KLHL3: variants seen among roughly 807,000 people sequenced by gnomAD.
KLHL3 encodes kelch like family member 3.
KLHL3 carries 19 observed loss-of-function variants against 70.5 expected under a neutral mutation model. That is an observed-to-expected ratio of 0.27 (90% CI 0.19 to 0.40). The LOEUF (loss-of-function observed/expected upper bound fraction) is 0.40. Ranked by LOEUF, KLHL3 falls within the 10% of genes least tolerant of loss-of-function variation. KLHL3 has a pLI of 1.00. For missense variants in KLHL3, 512 were observed against 771.1 expected (o/e 0.66, Z 3.98); for synonymous variants, 258 against 290.3 (o/e 0.89, Z 1.13).
At chr5:137,663,953 G>A (rs976821703) in intron 6 of KLHL3, among the ~76,000 whole-genome samples, 2 of 152,108 alleles carry the variant, frequency 1.3e-5, no homozygotes, top group Non-Finnish European at 2.9e-5. Context: ...ACCTTTTGTG[G>A]TTTAGGGTGG....
chr5:137,679,849 G>A (rs1751980944), intron 5 of KLHL3, among the ~76,000 whole-genome samples: 1 of 152,218 alleles, frequency 6.6e-6, no homozygotes, highest in Non-Finnish European at 1.5e-5. Flanking sequence ...AAGAGAAATA[G>A]CAGGCAGCAG....
At chr5:137,677,482 C>T in intron 6 of KLHL3, 63 bp downstream of exon 6, 1 of 927,312 alleles carries the variant, frequency 1.1e-6, no homozygotes, top group Non-Finnish European at 1.7e-6. Flanking sequence ...CACCAAACCA[C>T]AAGTCCTTCC....
chr5:137,637,644 T>C (rs1750802657), intron 10 of KLHL3, among the ~76,000 whole-genome samples: 2 of 152,202 alleles, frequency 1.3e-5, no homozygotes, highest in African/African-American at 2.4e-5. Context: ...GTGTCTGAAA[T>C]GCATGGCAAA....
At chr5:137,647,832 C>T (rs567063443) in intron 8 of KLHL3, among the ~76,000 whole-genome samples, 1 of 152,262 alleles carries the variant, frequency 6.6e-6, no homozygotes, top group Non-Finnish European at 1.5e-5. Flanking sequence ...AAAAAATGGG[C>T]TTTGGAATCA....
chr5:137,628,952 G>A (rs1750561610), intron 12 of KLHL3: 1 of 152,042 alleles, frequency 6.6e-6, no homozygotes, highest in African/African-American at 2.4e-5. Flanking sequence ...TATTAGTTGA[G>A]TAAAAAGAGT....
At chr5:137,654,812 G>C (rs1751298949) in intron 8 of KLHL3, among the ~76,000 whole-genome samples, 1 of 152,170 alleles carries the variant, frequency 6.6e-6, no homozygotes, top group Admixed American at 6.5e-5. Context: ...GAGTAGGGAT[G>C]ACAGAAGGAT....
At chr5:137,706,688 G>C (rs1394218115) in intron 3 of KLHL3, among the ~76,000 whole-genome samples, 1 of 152,144 alleles carries the variant, frequency 6.6e-6, no homozygotes, top group Non-Finnish European at 1.5e-5. Context: ...TTTTCAATTA[G>C]AGTATATATA....
chr5:137,733,852 CTT>C (rs1753218340), intron 1 of KLHL3, among the ~76,000 whole-genome samples: 1 of 152,166 alleles, frequency 6.6e-6, no homozygotes, highest in Admixed American at 6.5e-5. Flanking sequence ...GTTCAGAAGA[CTT>C]GAACGCGTGG....
At chr5:137,656,366 G>A (rs1751345555) in intron 8 of KLHL3, among the ~76,000 whole-genome samples, 2 of 152,166 alleles carry the variant, frequency 1.3e-5, no homozygotes, top group Non-Finnish European at 2.9e-5. Context: ...TGTACCACAT[G>A]GCTGCATGGG....
intron 4 of KLHL3, among the ~76,000 whole-genome samples, chr5:137,693,599 G>T (rs1752374943): frequency 6.6e-6 from 1 of 152,102 alleles, no homozygotes; most frequent in African/African-American, 2.4e-5. Context: ...GTCTGAGAAT[G>T]ATTTTCCAAA....
rs184550327 is a variant in KLHL3 at position 137,690,067 on chromosome 5, C to G, written c.526+2218G>C. 3.0e-3 allele frequency among the ~76,000 whole-genome samples: 456 copies of G among 152,372 alleles called. 1 individual carries two copies. The highest frequency in any genetic ancestry group is 0.015 in the South Asian group (70 of 4,826). On this transcript the variant is annotated intron_variant, in intron 5 of 14. Transcript: ENST00000309755. ...TGCAGGCCAGGCACAGTGGCTTACG[C>G]CTGTAATCCCAGCACTTTGGGAGGC...
intron 4 of KLHL3, 73 bp from the exon 5 acceptor site, chr5:137,692,520 C>A: frequency 7.1e-7 from 1 of 1,405,114 alleles, no homozygotes; most frequent in Non-Finnish European, 1.0e-6. Flanking sequence ...CCTATCATAT[C>A]ACTCCCATGC....
intron 8 of KLHL3, among the ~76,000 whole-genome samples, chr5:137,644,040 C>T (rs916667947): frequency 2.9e-4 from 44 of 152,076 alleles, no homozygotes; most frequent in African/African-American, 9.7e-4. Flanking sequence ...GGTTCATCCA[C>T]GTTGTCACAA....
At position 137,621,873 on chromosome 5, in the gene KLHL3, A is replaced by AC. The variant is rs1750314427; in HGVS notation, c.*224dup. The AC allele has an allele frequency of 5.1e-6, 3 of 588,460 alleles. No individual in the cohort carries two copies. Among genetic ancestry groups the AC allele is most frequent in the Admixed American group, 3.0e-5 (1 of 33,606 alleles). 36.5% of individuals were successfully genotyped at this position (588,460 alleles called of 1,614,324 possible). A position where few individuals can be genotyped will look rare whatever the true frequency, so the allele number is the denominator to read the frequency against. ...AAAGGTGCTGCCTGGGGATGTCAAG[A>AC]CCCCCCTTGCTCAGGGCATAGGCCA... is the stretch of plus-strand genomic sequence containing the variant. On this transcript the variant is annotated 3_prime_UTR_variant, in exon 15 of 15. Transcript: ENST00000309755.
At chr5:137,714,864 A>T (rs1466202703) in intron 2 of KLHL3, among the ~76,000 whole-genome samples, 3 of 152,246 alleles carry the variant, frequency 2.0e-5, no homozygotes, top group African/African-American at 4.8e-5. Context: ...CAATAATAAA[A>T]GCATAGTGAC....
chr5:137,716,230 TTAA>T (rs1752890203), intron 2 of KLHL3, among the ~76,000 whole-genome samples: 1 of 152,114 alleles, frequency 6.6e-6, no homozygotes, highest in African/African-American at 2.4e-5. Context: ...TTTTTTTTTT[TTAA>T]TGAGATGGGT....
chr5:137,621,901 G>T lies in KLHL3; in HGVS notation c.*197C>A, dbSNP rs1750317621. On this transcript the variant is annotated 3_prime_UTR_variant, in exon 15 of 15. Coordinates refer to ENST00000309755, the MANE Select transcript of KLHL3 (RefSeq NM_017415.3). ...CCCCTTGCTCAGGGCATAGGCCAGA[G>T]CACCTCAGGGGAACGGGGGTGGGTA... 1 of 635,192 alleles carries T rather than the reference G, an allele frequency of 1.6e-6. No individual in the cohort carries two copies. The highest frequency in any genetic ancestry group is 2.9e-6 in the Non-Finnish European group (1 of 349,608). The allele number at this position is 635,192 out of a possible 1,614,324, so 39.3% of individuals were successfully genotyped here.
chr5:137,632,815 A>T (rs974179222), intron 12 of KLHL3, among the ~76,000 whole-genome samples: 1 of 152,220 alleles, frequency 6.6e-6, no homozygotes, highest in African/African-American at 2.4e-5. Context: ...CTCAACAAGG[A>T]AAAAACAACC....
chr5:137,643,537 G>A (rs1172202559), intron 8 of KLHL3, among the ~76,000 whole-genome samples: 1 of 152,132 alleles, frequency 6.6e-6, no homozygotes, highest in Non-Finnish European at 1.5e-5. Context: ...AAGGCAGCAG[G>A]AAGAGCAGGT....
Sources: gnomAD v4.1 joint callset for allele counts (sites outside exome capture counted in the v4.1 genomes callset) on GRCh38, gnomAD v4.1.1 for gene constraint, MANE v1.5 for transcripts, NCBI Gene and HGNC (gene_info 2026-07-23, HGNC 2026-07-21) for gene names.